EYS: variants seen among roughly 807,000 people sequenced by gnomAD.
EYS encodes the protein protein eyes shut homolog.
EYS carries 250 observed loss-of-function variants against 282.1 expected under a neutral mutation model. The ratio of observed to expected loss-of-function variants is 0.89; its 90% confidence interval spans 0.80 to 0.98. The LOEUF (loss-of-function observed/expected upper bound fraction) is 0.98. EYS is among the 50% of genes least tolerant of loss of function. The pLI, the probability that EYS is intolerant of heterozygous loss-of-function variation, is 0.00. For missense variants in EYS, 4,016 were observed against 3,709.0 expected (o/e 1.08, Z -2.15); for synonymous variants, 1,355 against 1,282.9 (o/e 1.06, Z -1.20).
intron 12 of EYS, among the ~76,000 whole-genome samples, chr6:65,165,600 G>T (rs1420572096): frequency 6.6e-6 from 1 of 150,702 alleles, no homozygotes; most frequent in Non-Finnish European, 1.5e-5. Flanking sequence ...TTGGCTTCTT[G>T]TGAGATTTTA....
intron 10 of EYS, among the ~76,000 whole-genome samples, chr6:65,342,129 C>T (rs1344019542): frequency 6.6e-6 from 1 of 150,970 alleles, no homozygotes; most frequent in Non-Finnish European, 1.5e-5. Flanking sequence ...CTGAGGTTTG[C>T]TCATTTATAT....
chr6:64,710,733 C>G (rs985504850), intron 22 of EYS, among the ~76,000 whole-genome samples: 3 of 152,234 alleles, frequency 2.0e-5, no homozygotes, highest in Admixed American at 6.5e-5. Context: ...TAAATAGAAG[C>G]TCACTTGCTC....
intron 29 of EYS, among the ~76,000 whole-genome samples, chr6:64,356,278 T>G (rs928506612): frequency 2.6e-5 from 4 of 151,494 alleles, no homozygotes; most frequent in Non-Finnish European, 3.0e-5. Context: ...TGATAAGGCA[T>G]GCTAAGAACA....
At chr6:64,447,440 T>C (rs1211395327) in intron 26 of EYS, among the ~76,000 whole-genome samples, 4 of 149,948 alleles carry the variant, frequency 2.7e-5, no homozygotes, top group Non-Finnish European at 5.9e-5. Flanking sequence ...AAGCTTTACA[T>C]ATGCTTCTTG....
intron 30 of EYS, among the ~76,000 whole-genome samples, chr6:64,252,644 C>T (rs985230668): frequency 2.6e-5 from 4 of 152,180 alleles, no homozygotes; most frequent in Non-Finnish European, 5.9e-5. Context: ...TCTAATCTCT[C>T]GGCCTTCAAA....
At chr6:65,595,408 T>C (rs1045241324) in intron 2 of EYS, among the ~76,000 whole-genome samples, 10 of 151,806 alleles carry the variant, frequency 6.6e-5, no homozygotes, top group Non-Finnish European at 1.5e-5. Flanking sequence ...ACATGGAACA[T>C]GTATACATAT....
chr6:64,967,570 G>T (rs977996816), intron 14 of EYS, among the ~76,000 whole-genome samples: 1 of 151,952 alleles, frequency 6.6e-6, no homozygotes, highest in Non-Finnish European at 1.5e-5. Flanking sequence ...CACCTGCCTC[G>T]GCCTCCCAAA....
At chr6:64,499,991 T>C (rs1776990110) in intron 26 of EYS, among the ~76,000 whole-genome samples, 1 of 152,078 alleles carries the variant, frequency 6.6e-6, no homozygotes, top group Non-Finnish European at 1.5e-5. Flanking sequence ...CAAGTAACAC[T>C]CTGTTTTTGA....
intron 13 of EYS, among the ~76,000 whole-genome samples, chr6:65,042,175 T>C (rs762231117): frequency 1.3e-5 from 2 of 151,626 alleles, no homozygotes. Context: ...CTAATATGAA[T>C]ATAGATCATC....
chr6:64,766,764 T>C (rs1364161383), intron 22 of EYS, among the ~76,000 whole-genome samples: 4 of 145,366 alleles, frequency 2.8e-5, no homozygotes, highest in Non-Finnish European at 6.0e-5. Context: ...TAGAGTGAAA[T>C]GTATTCATTA....
chr6:64,979,987 C>T (rs1403406220), intron 14 of EYS, among the ~76,000 whole-genome samples: 1 of 151,478 alleles, frequency 6.6e-6, no homozygotes, highest in Admixed American at 6.6e-5. Context: ...GGAGACACTA[C>T]CAAACTCTTT....
intron 29 of EYS, among the ~76,000 whole-genome samples, chr6:64,327,181 A>G (rs1770459050): frequency 6.6e-6 from 1 of 152,136 alleles, no homozygotes; most frequent in African/African-American, 2.4e-5. Context: ...GATCTAGGAC[A>G]CTGTATACAG....
Position 65,494,740 on chromosome 6 carries a change from T to C in EYS, c.671A>G (p.Asn224Ser). The change falls in exon 4 of 43, where the codon AAT becomes AGT. Residue 224 changes from asparagine (N) to serine (S), a missense_variant. Physicochemically the swap from Asn to Ser is conservative, Grantham distance 46. Coordinates refer to ENST00000503581, the MANE Select transcript of EYS (RefSeq NM_001142800.2). ...LDACSFKPCKNNGSCINKREN... is the reference protein window; with the variant it reads ...LDACSFKPCKSNGSCINKREN... Reference sequence around the variant, plus strand: ...TCTTTTATTAATGCAACTGCCATTATTTTTACATGGTTTAAAAGAACATGC... The same window carrying C: ...TCTTTTATTAATGCAACTGCCATTACTTTTACATGGTTTAAAAGAACATGC... 1.9e-6 allele frequency: 3 copies of C among 1,613,422 alleles called. No individual in the cohort carries two copies. Among genetic ancestry groups the C allele is most frequent in the Non-Finnish European group, 2.5e-6 (3 of 1,179,604 alleles).
At chr6:64,320,341 T>C (rs1036379986) in intron 29 of EYS, among the ~76,000 whole-genome samples, 2 of 151,872 alleles carry the variant, frequency 1.3e-5, no homozygotes, top group Admixed American at 6.6e-5. Flanking sequence ...GTTTAGGTCA[T>C]TGAGTCTATG....
At position 63,984,505 on chromosome 6, in the gene EYS, G is replaced by C. The variant is rs1767262868; in HGVS notation, c.6933C>G (p.Asp2311Glu). Reference sequence around the variant, plus strand: ...AGAATTCTTTGTTGTTTACTTGAAGGTCTAGAATGCAGCCCCTGAACCCAT... The same window carrying C: ...AGAATTCTTTGTTGTTTACTTGAAGCTCTAGAATGCAGCCCCTGAACCCAT... ...PVYGFRGCILDLQVNNKEFFI... is the reference protein window; with the variant it reads ...PVYGFRGCILELQVNNKEFFI... The change falls in exon 35 of 43, where the codon GAC becomes GAG. Residue 2311 changes from aspartate to glutamate, a missense_variant. Transcript: ENST00000503581. 6.5e-7 allele frequency: 1 copy of C among 1,549,494 alleles called. No homozygotes were observed. Among genetic ancestry groups the C allele is most frequent in the East Asian group, 2.4e-5 (1 of 40,848 alleles).
In EYS at chr6:64,393,061, C is replaced by A. The variant is rs575181719; in HGVS notation, c.5928-4221G>T. 7.2e-5 allele frequency among the ~76,000 whole-genome samples: 11 copies of A among 152,320 alleles called. No individual in the cohort carries two copies. In the East Asian group the frequency reaches 2.1e-3, roughly 29 times the overall value. ...ATGGATAAATTCCTCGACACATACA[C>A]TCTCCCAAGACTAAACCAGGAAGAA... On this transcript the variant is annotated intron_variant, in intron 28 of 42. Transcript: ENST00000503581.
At position 63,721,583 on chromosome 6, in the gene EYS, G is replaced by T; in HGVS notation, c.8448C>A (p.Asp2816Glu). The change falls in exon 43 of 43, where the codon GAC becomes GAA. Residue 2816 changes from aspartate to glutamate, a missense_variant. Physicochemically the swap from Asp to Glu is conservative, Grantham distance 45 (BLOSUM62 2). Transcript: ENST00000503581. ...EKASTKMSSL[D>E]TNTDFYIGGV... The stretch of plus-strand genomic sequence containing the variant: ...CTCCAATATAGAAGTCTGTATTTGT[G>T]TCCAGAGAACTCATTTTAGTGGAGG... The T allele has an allele frequency of 6.4e-7, 1 of 1,551,630 alleles. No individual in the cohort carries two copies. The highest frequency in any genetic ancestry group is 1.2e-5 in the South Asian group (1 of 84,056).
chr6:64,287,795 T>C (rs910980867), intron 30 of EYS, among the ~76,000 whole-genome samples: 1 of 152,164 alleles, frequency 6.6e-6, no homozygotes, highest in Non-Finnish European at 1.5e-5. Flanking sequence ...ATTATCATAT[T>C]ATCACGGCTT....
At chr6:64,499,604 A>T (rs1776979976) in intron 26 of EYS, among the ~76,000 whole-genome samples, 1 of 151,978 alleles carries the variant, frequency 6.6e-6, no homozygotes, top group South Asian at 2.1e-4. Context: ...AGCCAGAATG[A>T]TCTGCTCATA....
Sources: allele counts gnomAD v4.1 joint callset (sites outside exome capture counted in the v4.1 genomes callset), GRCh38; gene constraint gnomAD v4.1.1; transcripts MANE v1.5; gene names NCBI Gene and HGNC (gene_info 2026-07-23, HGNC 2026-07-21).